Variants in ZCCHC17 observed in about 807,000 individuals in gnomAD.
ZCCHC17 encodes the protein zinc finger CCHC domain-containing protein 17.
A neutral mutation model predicts 30.6 loss-of-function variants in ZCCHC17; 18 were observed. That is an observed-to-expected ratio of 0.59 (90% CI 0.41 to 0.87). ZCCHC17 has a LOEUF of 0.87. ZCCHC17 is among the 40% of genes least tolerant of loss of function. ZCCHC17 has a pLI of 0.00. For synonymous variants in ZCCHC17, 88 were observed against 92.4 expected, an observed-to-expected ratio of 0.95 and a Z score of 0.27; for missense variants, 263 against 284.2, an observed-to-expected ratio of 0.93 and a Z score of 0.54.
intron 3 of ZCCHC17, among the ~76,000 whole-genome samples, chr1:31,331,853 G>A (rs944636399): frequency 1.3e-5 from 2 of 151,692 alleles, no homozygotes; most frequent in East Asian, 1.9e-4. Context: ...CTCCTGATCC[G>A]CCTGCCTCAG....
rs1365788807 is a variant in ZCCHC17 at position 31,308,516 on chromosome 1, T to C, written c.-55-1528T>C. ...GGGGTTGAGGAGAGAAGAAAGTATTTACCTGTGAAAACACAAGAAAAATAA... is the reference window on the plus strand; with the variant it reads ...GGGGTTGAGGAGAGAAGAAAGTATTCACCTGTGAAAACACAAGAAAAATAA... On this transcript the variant is annotated intron_variant, in intron 1 of 7. Transcript: ENST00000344147. Among the ~76,000 whole-genome samples the C allele has an allele frequency of 2.0e-5, 3 of 152,366 alleles. No individual in the cohort carries two copies. In the East Asian group the frequency reaches 5.8e-4, roughly 29 times the overall value.
rs768969307 is a variant in ZCCHC17 at position 31,364,172 on chromosome 1, C to T, written c.705C>T (p.His235=). 6.2e-7 allele frequency: 1 copy of T among 1,613,270 alleles called. No individual in the cohort carries two copies. The highest frequency in any genetic ancestry group is 2.2e-5 in the East Asian group (1 of 44,868). The change falls in exon 8 of 8, where the codon CAC becomes CAT. Residue 235 remains histidine (H), a synonymous_variant. Coordinates refer to ENST00000344147, the MANE Select transcript of ZCCHC17 (RefSeq NM_016505.4). ...AAKKKKKKKK[H]KKKHKE is the part of the protein sequence containing the mutation. ...AGAAGAAGAAAAAGAAGAAGAAGCACAAGAAGAAGCACAAGGAGTGAGAGT... is the reference window on the plus strand; with the variant it reads ...AGAAGAAGAAAAAGAAGAAGAAGCATAAGAAGAAGCACAAGGAGTGAGAGT...
rs41272141 is a variant in ZCCHC17, at chr1:31,364,669, G to C, written c.*476G>C. On this transcript the variant is annotated 3_prime_UTR_variant, in exon 8 of 8. Transcript: ENST00000344147. Reference sequence around the variant, plus strand: ...TGGGAGCAGAGACTGGCAGCAGGAGGGGGGAACATGGTGAGAAGTGGTGCT... The same window carrying C: ...TGGGAGCAGAGACTGGCAGCAGGAGCGGGGAACATGGTGAGAAGTGGTGCT... 4,727 of 155,956 alleles carry C rather than the reference G, an allele frequency of 0.03. 141 individuals carry two copies. Among genetic ancestry groups the C allele is most frequent in the African/African-American group, 0.079 (3,306 of 41,614 alleles). 9.7% of individuals were successfully genotyped at this position (155,956 alleles called of 1,614,324 possible). A position where few individuals can be genotyped will look rare whatever the true frequency, so the allele number is the denominator to read the frequency against.
intron 3 of ZCCHC17, among the ~76,000 whole-genome samples, chr1:31,321,224 C>G (rs1646852797): frequency 6.6e-6 from 1 of 152,070 alleles, no homozygotes; most frequent in Non-Finnish European, 1.5e-5. Context: ...CCATCCTGTT[C>G]TCATCATAGT....
At chr1:31,334,589 C>A (rs1638742395) in intron 3 of ZCCHC17, among the ~76,000 whole-genome samples, 1 of 151,914 alleles carries the variant, frequency 6.6e-6, no homozygotes, top group Non-Finnish European at 1.5e-5. Flanking sequence ...AATACTATAA[C>A]CACTGTTGGC....
chr1:31,329,676 T>G (rs1472961836), intron 3 of ZCCHC17, among the ~76,000 whole-genome samples: 1 of 152,202 alleles, frequency 6.6e-6, no homozygotes, highest in African/African-American at 2.4e-5. Flanking sequence ...TTAGGCTGTT[T>G]GGATGAGTCA....
At position 31,364,032 on chromosome 1, in the gene ZCCHC17, G is replaced by A. The variant is rs576307561; in HGVS notation, c.565G>A (p.Glu189Lys). 1.2e-6 allele frequency: 2 copies of A among 1,606,370 alleles called. No individual in the cohort carries two copies. Among genetic ancestry groups the A allele is most frequent in the East Asian group, 2.2e-5 (1 of 44,842 alleles). The change falls in exon 8 of 8, where the codon GAG becomes AAG. Residue 189 changes from glutamate (E) to lysine (K), a missense_variant and splice_region_variant. Coordinates refer to ENST00000344147, the MANE Select transcript of ZCCHC17 (RefSeq NM_016505.4). The stretch of plus-strand genomic sequence containing the variant: ...TTGATTTTTAAAATTTTCTTTTCAG[G>A]AGAAGAAGAAAAAGAAACATAGAGA... Reference protein sequence around the residue: ...TRNPSRKRKKEKKKKKHRDRK... With the variant: ...TRNPSRKRKKKKKKKKHRDRK...
At chr1:31,320,457 C>T (rs1299455028) in intron 3 of ZCCHC17, among the ~76,000 whole-genome samples, 2 of 152,194 alleles carry the variant, frequency 1.3e-5, no homozygotes, top group Non-Finnish European at 2.9e-5. Flanking sequence ...AACCCTGTAC[C>T]TATTAGCCAT....
chr1:31,300,061 T>G (rs1199921030), intron 1 of ZCCHC17, among the ~76,000 whole-genome samples: 1 of 152,222 alleles, frequency 6.6e-6, no homozygotes, highest in Non-Finnish European at 1.5e-5. Context: ...TCCTAGCTAC[T>G]ACTTTTGTTT....
intron 3 of ZCCHC17, among the ~76,000 whole-genome samples, chr1:31,331,442 G>A (rs1046378809): frequency 2.6e-5 from 4 of 151,976 alleles, no homozygotes; most frequent in Admixed American, 6.6e-5. Flanking sequence ...CAGCGTGCCC[G>A]TCCTGTATCA....
At chr1:31,304,248 G>A (rs1646389156) in intron 1 of ZCCHC17, among the ~76,000 whole-genome samples, 1 of 151,568 alleles carries the variant, frequency 6.6e-6, no homozygotes, top group Non-Finnish European at 1.5e-5. Flanking sequence ...CTGACTGACT[G>A]TATCTATCTT....
intron 1 of ZCCHC17, among the ~76,000 whole-genome samples, chr1:31,302,652 G>A (rs564394244): frequency 6.6e-6 from 1 of 152,074 alleles, no homozygotes; most frequent in Admixed American, 6.6e-5. Flanking sequence ...AAGGAGAAAG[G>A]TTTAATTGAC....
At position 31,320,388 on chromosome 1, in the gene ZCCHC17, A is replaced by G. The variant is rs149749576; in HGVS notation, c.124+1222A>G. Among the ~76,000 whole-genome samples, 1,048 of 152,310 alleles carry G rather than the reference A, an allele frequency of 6.9e-3. 10 individuals are homozygous for G. The highest frequency in any genetic ancestry group is 0.032 in the South Asian group (156 of 4,816). ...ATTCAGTGGTTTCTTTGGTATATTCAGAGTTTTGTGACCATCACCACGATC... is the reference window on the plus strand; with the variant it reads ...ATTCAGTGGTTTCTTTGGTATATTCGGAGTTTTGTGACCATCACCACGATC... On this transcript the variant is annotated intron_variant, in intron 3 of 7. Transcript: ENST00000344147.
intron 2 of ZCCHC17, among the ~76,000 whole-genome samples, chr1:31,316,181 A>C: frequency 6.6e-6 from 1 of 152,186 alleles, no homozygotes; most frequent in East Asian, 1.9e-4. Context: ...GGCTCACTGC[A>C]ACCATGACCT....
intron 7 of ZCCHC17, among the ~76,000 whole-genome samples, chr1:31,363,740 C>CCACTG (rs1640019673): frequency 6.6e-6 from 1 of 152,156 alleles, no homozygotes; most frequent in Non-Finnish European, 1.5e-5. Flanking sequence ...TGTGATCGTG[C>CCACTG]CACTGCACTG....
At chr1:31,324,872 G>A (rs549149751) in intron 3 of ZCCHC17, among the ~76,000 whole-genome samples, 1 of 150,700 alleles carries the variant, frequency 6.6e-6, no homozygotes, top group South Asian at 2.1e-4. Flanking sequence ...TCTCGGTGAA[G>A]CCGCACCTTC....
At chr1:31,351,951 C>CTTTT (rs2148473637) in intron 7 of ZCCHC17, among the ~76,000 whole-genome samples, 1 of 152,292 alleles carries the variant, frequency 6.6e-6, no homozygotes, top group African/African-American at 2.4e-5. Flanking sequence ...CTATTCTTGA[C>CTTTT]TTTTTCTCTG....
chr1:31,347,635 G>A (rs892540356), intron 6 of ZCCHC17, among the ~76,000 whole-genome samples: 1 of 152,042 alleles, frequency 6.6e-6, no homozygotes, highest in Non-Finnish European at 1.5e-5. Flanking sequence ...TTTTTTTGTT[G>A]TTTTTAAGGT....
chr1:31,345,024 ATTTT>A (rs546042719), intron 5 of ZCCHC17, among the ~76,000 whole-genome samples: 1 of 134,770 alleles, frequency 7.4e-6, no homozygotes, highest in Non-Finnish European at 1.6e-5. Context: ...ATGCCTGGCT[ATTTT>A]TTTTTTTTTT....
Sources: gnomAD v4.1 joint callset for allele counts (sites outside exome capture counted in the v4.1 genomes callset) on GRCh38, gnomAD v4.1.1 for gene constraint, MANE v1.5 for transcripts, NCBI Gene and HGNC (gene_info 2026-07-23, HGNC 2026-07-21) for gene names.